DGKD: variants seen among roughly 807,000 people sequenced by gnomAD.
DGKD encodes the protein diacylglycerol kinase delta.
Under a neutral mutation model 154.4 loss-of-function variants are expected in DGKD, and 68 were observed. The observed-to-expected ratio is 0.44, with a 90% CI of 0.36 to 0.54. DGKD has a LOEUF of 0.54. Ranked by LOEUF, DGKD falls within the 20% of genes least tolerant of loss-of-function variation. The probability of loss-of-function intolerance (pLI) is 0.00; values close to 1 mark genes in which losing one functional copy is unlikely to be tolerated. For synonymous variants in DGKD, 693 were observed against 638.0 expected, an observed-to-expected ratio of 1.09 and a Z score of -1.30; for missense variants, 1,343 against 1,593.6, an observed-to-expected ratio of 0.84 and a Z score of 2.68.
At position 233,460,358 on chromosome 2, in the gene DGKD, C is replaced by T. The variant is rs932311691; in HGVS notation, c.2981+13C>T. The T allele has an allele frequency of 4.3e-6, 7 of 1,613,364 alleles. No individual in the cohort carries two copies. The highest frequency in any genetic ancestry group is 1.1e-5 in the South Asian group (1 of 91,042). On this transcript the variant is annotated intron_variant, in intron 24 of 29. Transcript: ENST00000264057. ...TCCTCATTCACAGGTGGGCTCCTAC[C>T]CCTCTGCGTTGCGCATGAGCCTCCC...
At chr2:233,398,505 AT>A (rs1489321777) in intron 3 of DGKD, among the ~76,000 whole-genome samples, 2 of 151,864 alleles carry the variant, frequency 1.3e-5, no homozygotes, top group Non-Finnish European at 2.9e-5. Flanking sequence ...CCAGGGAAAG[AT>A]TTTCCTTTGA....
At chr2:233,385,988 C>T (rs867240045) in intron 1 of DGKD, 18 of 470,552 alleles carry the variant, frequency 3.8e-5, no homozygotes, top group African/African-American at 2.0e-4. Flanking sequence ...AAAGATTGTG[C>T]GTGTGCGTGT....
chr2:233,367,906 G>A (rs1334913156), intron 1 of DGKD, among the ~76,000 whole-genome samples: 7 of 142,764 alleles, frequency 4.9e-5, no homozygotes, highest in African/African-American at 1.8e-4. Context: ...AAGCCAGTCT[G>A]GTCTTGAACT....
At chr2:233,460,497 G>A (rs767388817) in intron 24 of DGKD, 152 bp downstream of exon 24, 132 of 1,026,150 alleles carry the variant, frequency 1.3e-4, no homozygotes, top group Non-Finnish European at 1.7e-4. Flanking sequence ...TGTGCCCTCA[G>A]CTCTGGCTCA....
intron 3 of DGKD, among the ~76,000 whole-genome samples, chr2:233,407,317 G>A (rs1559511491): frequency 1.3e-5 from 2 of 151,996 alleles, no homozygotes; most frequent in Non-Finnish European, 2.9e-5. Flanking sequence ...GTAGATATCC[G>A]GAAAAAGTTA....
rs531800767 is a variant in DGKD, at chr2:233,384,989, T to C, written c.157-3268T>C. ...TCTGGTGTGTACACATCCGCCTTCC[T>C]CTGGTCTGAGCTCCTGGCCATGCAG... On this transcript the variant is annotated intron_variant, in intron 1 of 29. Coordinates refer to ENST00000264057, the MANE Select transcript of DGKD (RefSeq NM_152879.3). Among the ~76,000 whole-genome samples, 365 of 152,240 alleles carry C rather than the reference T, an allele frequency of 2.4e-3. 2 individuals carry two copies. The highest frequency in any genetic ancestry group is 2.6e-3 in the Non-Finnish European group (175 of 68,016).
At position 233,457,403 on chromosome 2, in the gene DGKD, T is replaced by C. The variant is rs553469223; in HGVS notation, c.2580+75T>C. 1 of 1,143,206 alleles carries C rather than the reference T, an allele frequency of 8.7e-7. No individual in the cohort carries two copies. Among genetic ancestry groups the C allele is most frequent in the African/African-American group, 1.5e-5 (1 of 65,822 alleles). The allele number at this position is 1,143,206 out of a possible 1,614,324, so 70.8% of individuals were successfully genotyped here. On this transcript the variant is annotated intron_variant, in intron 21 of 29. Coordinates refer to ENST00000264057, the MANE Select transcript of DGKD (RefSeq NM_152879.3). This position sits in a 1 kb window ranked among gnomAD's most constrained non-coding sequence, Gnocchi z 5.5. The stretch of plus-strand genomic sequence containing the variant: ...GTCTGAGAGCAGGGGGGTGTTCTGC[T>C]GTGGCTGGGGTGGATCCAGCTCTTC...
At position 233,445,239 on chromosome 2, in the gene DGKD, C is replaced by T. The variant is rs1461715637; in HGVS notation, c.1195-384C>T. Among the ~76,000 whole-genome samples, 2 of 150,586 alleles carry T rather than the reference C, an allele frequency of 1.3e-5. No individual in the cohort carries two copies. Among genetic ancestry groups the T allele is most frequent in the African/African-American group, 4.9e-5 (2 of 40,876 alleles). ...CTGTAGTGGATGGAGGGACGGGTGG[C>T]GAGGCATCAGAGTGATTCCTTGGGG... is the stretch of plus-strand genomic sequence containing the variant. On this transcript the variant is annotated intron_variant, in intron 10 of 29. Coordinates refer to ENST00000264057, the MANE Select transcript of DGKD (RefSeq NM_152879.3). The surrounding 1 kb of genome is among the most constrained non-coding windows in gnomAD (Gnocchi z 5.5).
chr2:233,386,282 A>G, intron 1 of DGKD: 1 of 292,292 alleles, frequency 3.4e-6, no homozygotes, highest in South Asian at 3.0e-5. Flanking sequence ...CAACAGAGAA[A>G]GGGTCTCGTG....
intron 3 of DGKD, among the ~76,000 whole-genome samples, chr2:233,403,679 G>A (rs1000161383): frequency 3.3e-5 from 5 of 149,436 alleles, no homozygotes; most frequent in Non-Finnish European, 5.9e-5. Context: ...TCGCTCTGTT[G>A]CCCAGGCCGG....
intron 3 of DGKD, among the ~76,000 whole-genome samples, chr2:233,393,054 T>C (rs1332038410): frequency 1.3e-5 from 2 of 152,244 alleles, no homozygotes; most frequent in Non-Finnish European, 2.9e-5. Context: ...TCTTGCTCTG[T>C]TGCCCAGGCT....
intron 3 of DGKD, among the ~76,000 whole-genome samples, chr2:233,420,727 A>G (rs1370470430): frequency 6.6e-6 from 1 of 152,214 alleles, no homozygotes; most frequent in Non-Finnish European, 1.5e-5. Context: ...TTAAATCAGA[A>G]TTTCTGGGGA....
intron 1 of DGKD, among the ~76,000 whole-genome samples, chr2:233,366,485 C>G (rs1407603178): frequency 6.6e-6 from 1 of 152,146 alleles, no homozygotes; most frequent in Non-Finnish European, 1.5e-5. Flanking sequence ...GATAATGGAA[C>G]TCTTCTCTGA....
intron 3 of DGKD, among the ~76,000 whole-genome samples, chr2:233,428,519 C>G (rs1362713256): frequency 1.3e-5 from 2 of 152,176 alleles, no homozygotes; most frequent in Non-Finnish European, 2.9e-5. Flanking sequence ...GTGCCCAGAA[C>G]ATTATCAGGT....
At chr2:233,418,888 G>A (rs1237293342) in intron 3 of DGKD, among the ~76,000 whole-genome samples, 1 of 152,230 alleles carries the variant, frequency 6.6e-6, no homozygotes, top group East Asian at 1.9e-4. Context: ...AGCTCACCCG[G>A]ACCTGGGCAC....
chr2:233,471,137 G>C lies in DGKD; in HGVS notation c.*1677G>C, dbSNP rs373944780. ...CCCTCTCGTGGTCGTTCTGGCCCGAGGCCCTTAGAGTATGGAGGCTGAGCC... is the reference window on the plus strand; with the variant it reads ...CCCTCTCGTGGTCGTTCTGGCCCGACGCCCTTAGAGTATGGAGGCTGAGCC... On this transcript the variant is annotated 3_prime_UTR_variant, in exon 30 of 30. Transcript: ENST00000264057. 8 of 152,462 alleles carry C rather than the reference G, an allele frequency of 5.2e-5. No homozygotes were observed. The East Asian group carries it at 1.1e-3, about 22-fold the overall frequency. 9.4% of individuals were successfully genotyped at this position (152,462 alleles called of 1,614,324 possible).
Position 233,462,401 on chromosome 2 carries a change from C to T in DGKD, c.3035C>T (p.Ala1012Val). 4 of 1,604,648 alleles carry T rather than the reference C, an allele frequency of 2.5e-6. No individual in the cohort carries two copies. Among genetic ancestry groups the T allele is most frequent in the Non-Finnish European group, 3.4e-6 (4 of 1,172,292 alleles). The change falls in exon 25 of 30, where the codon GCC (alanine) becomes GTC (valine). Residue 1012 changes from alanine to valine, a missense_variant. By Grantham distance (64) the Ala-to-Val change is moderately conservative (BLOSUM62 0). This residue lies in a region of DGKD where 429 missense variants were observed against 496.3 expected (regional missense o/e 0.86). Coordinates refer to ENST00000264057, the MANE Select transcript of DGKD (RefSeq NM_152879.3). ...GACATGGAGCAGGAACTGGCCCACG[C>T]CGTCAATGCCAGCTCCAAGTCCATG... The part of the protein sequence containing the change: ...HRDMEQELAH[A>V]VNASSKSMDR...
chr2:233,403,997 TAATTTTGTGTTTTGTGTTACAAAGTTA>T (rs2061621122), intron 3 of DGKD, among the ~76,000 whole-genome samples: 1 of 152,218 alleles, frequency 6.6e-6, no homozygotes, highest in African/African-American at 2.4e-5. Flanking sequence ...TATACATGTA[TAATTTTGTGTTTTGTGTTACAAAGTTA>T]AATTTTGTGT....
In DGKD at chr2:233,394,169, G is replaced by A. The variant is rs193028842; in HGVS notation, c.348+3686G>A. Among the ~76,000 whole-genome samples, 6 of 152,234 alleles carry A rather than the reference G, an allele frequency of 3.9e-5. No individual in the cohort carries two copies. The South Asian group carries it at 6.2e-4, about 16-fold the overall frequency. ...TCTCCATTTTGAAGCTTTGTTAAGC[G>A]TGTAAATATTTAAAAAGATAATACC... On this transcript the variant is annotated intron_variant, in intron 3 of 29. Transcript: ENST00000264057.
Sources: allele counts gnomAD v4.1 joint callset (sites outside exome capture counted in the v4.1 genomes callset), GRCh38; gene constraint gnomAD v4.1.1; regional missense constraint gnomAD v4.1.1; non-coding constraint Gnocchi (gnomAD v3.1); transcripts MANE v1.5; gene names NCBI Gene and HGNC (gene_info 2026-07-23, HGNC 2026-07-21).